CEP128: variants seen among roughly 807,000 people sequenced by gnomAD.
The protein encoded by CEP128 is centrosomal protein 128, also known as centrosomal protein 128kDa.
CEP128 carries 132 observed loss-of-function variants against 156.7 expected under a neutral mutation model. The ratio of observed to expected loss-of-function variants is 0.84; its 90% CI spans 0.73 to 0.97. The LOEUF is 0.97. Ranked by LOEUF, CEP128 falls within the 50% of genes least tolerant of loss-of-function variation. CEP128 has a pLI of 0.00. For missense variants in CEP128, 1,252 were observed against 1,281.9 expected (o/e 0.98, Z 0.36); for synonymous variants, 469 against 448.9 (o/e 1.04, Z -0.57).
chr14:80,563,592 G>A (rs1380814168), intron 20 of CEP128, among the ~76,000 whole-genome samples: 2 of 134,130 alleles, frequency 1.5e-5, no homozygotes, highest in African/African-American at 5.9e-5. Context: ...GGAGTGCAGT[G>A]GCACAATCTC....
chr14:80,845,230 A>G (rs561096282), intron 9 of CEP128, among the ~76,000 whole-genome samples: 53 of 152,312 alleles, frequency 3.5e-4, no homozygotes, highest in Non-Finnish European at 7.1e-4. Context: ...AAAAAGACAT[A>G]CAAGTCTTTT....
chr14:80,765,584 T>G lies in CEP128; in HGVS notation c.2377-3971A>C, dbSNP rs922597240. ...CAAAATATGGAAGACACAATCTAAC[T>G]TCAATGTTTCAGGGTGAAAGGACAC... On this transcript the variant is annotated intron_variant, in intron 16 of 24. Transcript: ENST00000555265. 2.7e-4 allele frequency among the ~76,000 whole-genome samples: 41 copies of G among 152,246 alleles called. 2 individuals carry two copies. In the Middle Eastern group the frequency reaches 0.01, roughly 38 times the overall value.
chr14:80,652,884 G>A (rs189227553), intron 19 of CEP128, among the ~76,000 whole-genome samples: 69 of 152,190 alleles, frequency 4.5e-4, no homozygotes, highest in Admixed American at 5.9e-4. Context: ...AAAGACACAC[G>A]CACACGTATG....
At chr14:80,675,430 C>A (rs1370998439) in intron 19 of CEP128, among the ~76,000 whole-genome samples, 5 of 152,022 alleles carry the variant, frequency 3.3e-5, no homozygotes, top group Non-Finnish European at 1.5e-5. Flanking sequence ...CCTGGTGATC[C>A]ATAACGCTTC....
intron 23 of CEP128, among the ~76,000 whole-genome samples, chr14:80,522,222 G>A (rs1394816490): frequency 6.6e-6 from 1 of 152,202 alleles, no homozygotes; most frequent in Non-Finnish European, 1.5e-5. Flanking sequence ...TGCTTTAGAA[G>A]CTACTGTTGT....
At chr14:80,885,250 T>C (rs1354681316) in intron 8 of CEP128, among the ~76,000 whole-genome samples, 1 of 152,078 alleles carries the variant, frequency 6.6e-6, no homozygotes, top group African/African-American at 2.4e-5. Flanking sequence ...GAGCAGCATA[T>C]CTCCTAGAAA....
intron 24 of CEP128, among the ~76,000 whole-genome samples, chr14:80,500,905 G>A (rs573812190): frequency 6.6e-6 from 1 of 151,722 alleles, no homozygotes; most frequent in East Asian, 1.9e-4. Context: ...TTCTCTTCTT[G>A]TTCATTTTTT....
At chr14:80,519,872 T>C (rs1470571778) in intron 23 of CEP128, among the ~76,000 whole-genome samples, 1 of 152,198 alleles carries the variant, frequency 6.6e-6, no homozygotes, top group Admixed American at 6.5e-5. Context: ...ATGATGATCA[T>C]TTCTTGACCA....
At chr14:80,880,820 G>C (rs1050136738) in intron 8 of CEP128, among the ~76,000 whole-genome samples, 1 of 148,304 alleles carries the variant, frequency 6.7e-6, no homozygotes, top group African/African-American at 2.5e-5. Context: ...TCAAGATCTC[G>C]CCACTGCACT....
intron 19 of CEP128, among the ~76,000 whole-genome samples, chr14:80,643,046 G>A (rs575311272): frequency 1.2e-3 from 178 of 152,186 alleles, no homozygotes; most frequent in African/African-American, 4.1e-3. Flanking sequence ...GAGCCACCGC[G>A]CCCGGCTGAC....
chr14:80,676,661 A>T (rs1437166961), intron 19 of CEP128, among the ~76,000 whole-genome samples: 2 of 152,128 alleles, frequency 1.3e-5, no homozygotes, highest in African/African-American at 2.4e-5. Flanking sequence ...ATTTAAAAGG[A>T]TGTTTCAAAG....
intron 16 of CEP128, among the ~76,000 whole-genome samples, chr14:80,775,527 C>G (rs995982118): frequency 7.9e-5 from 12 of 152,206 alleles, no homozygotes; most frequent in Non-Finnish European, 1.2e-4. Flanking sequence ...CAGAGACCAT[C>G]TTTTCTCTGC....
At chr14:80,659,573 G>A (rs1021708214) in intron 19 of CEP128, among the ~76,000 whole-genome samples, 1 of 152,160 alleles carries the variant, frequency 6.6e-6, no homozygotes, top group African/African-American at 2.4e-5. Flanking sequence ...CTACTCAGTT[G>A]AGAGTTCGCC....
chr14:80,873,384 T>C (rs909489789), intron 8 of CEP128, among the ~76,000 whole-genome samples: 2 of 152,236 alleles, frequency 1.3e-5, no homozygotes, highest in Non-Finnish European at 2.9e-5. Context: ...AGACTATATA[T>C]AGATAATACT....
intron 19 of CEP128, among the ~76,000 whole-genome samples, chr14:80,714,625 C>T (rs1363446796): frequency 1.3e-5 from 2 of 151,862 alleles, no homozygotes; most frequent in African/African-American, 2.4e-5. Context: ...AACAGGCAAA[C>T]CTCAAACTTC....
intron 13 of CEP128, among the ~76,000 whole-genome samples, chr14:80,810,072 C>G (rs923080889): frequency 1.3e-5 from 2 of 151,596 alleles, no homozygotes; most frequent in Non-Finnish European, 2.9e-5. Flanking sequence ...GCCTGTAATC[C>G]CAGCACTTTG....
At chr14:80,531,829 C>A (rs929225234) in intron 21 of CEP128, among the ~76,000 whole-genome samples, 2 of 152,118 alleles carry the variant, frequency 1.3e-5, no homozygotes, top group East Asian at 3.9e-4. Context: ...CCCTACTTCT[C>A]CCCTGTGAAA....
At chr14:80,623,319 G>A (rs1402466522) in intron 19 of CEP128, among the ~76,000 whole-genome samples, 1 of 150,436 alleles carries the variant, frequency 6.6e-6, no homozygotes, top group Non-Finnish European at 1.5e-5. Flanking sequence ...TGGGGTGGGG[G>A]GAAGGGGGAG....
chr14:80,597,567 T>C (rs1227428282), intron 19 of CEP128, among the ~76,000 whole-genome samples: 1 of 151,906 alleles, frequency 6.6e-6, no homozygotes, highest in Non-Finnish European at 1.5e-5. Flanking sequence ...CCCATTTATT[T>C]TATTTAGCCT....
Sources: gnomAD v4.1 joint callset for allele counts (sites outside exome capture counted in the v4.1 genomes callset) on GRCh38, gnomAD v4.1.1 for gene constraint, MANE v1.5 for transcripts, NCBI Gene and HGNC (gene_info 2026-07-23, HGNC 2026-07-21) for gene names.